PDS5B: variants seen among roughly 807,000 people sequenced by gnomAD.
PDS5B encodes PDS5 cohesin associated factor B.
In PDS5B, 51 loss-of-function variants were observed where a neutral mutation model predicts 184.1. The ratio of observed to expected loss-of-function variants is 0.28; its 90% CI spans 0.22 to 0.35. The LOEUF is 0.35. Ranked by LOEUF, PDS5B falls within the 10% of genes least tolerant of loss-of-function variation. The pLI, the probability that PDS5B is intolerant of heterozygous loss-of-function variation, is 1.00. For synonymous variants in PDS5B, 566 were observed against 569.2 expected, an observed-to-expected ratio of 0.99 and a Z score of 0.08; for missense variants, 1,180 against 1,723.3, an observed-to-expected ratio of 0.68 and a Z score of 5.58.
chr13:32,701,555 CCT>C lies in PDS5B; in HGVS notation c.1856+120_1856+121del, dbSNP rs1363905637. The C allele has an allele frequency of 2.1e-5, 13 of 607,328 alleles. No individual in the cohort carries two copies. The African/African-American group carries it at 2.4e-4, about 11-fold the overall frequency. The allele number at this position is 607,328 out of a possible 1,614,324, so 37.6% of individuals were successfully genotyped here. ...TACACATCTGTGTGTATTGTGTACT[CCT>C]CTGTATATACTCCTCTGCATATACC... On this transcript the variant is annotated intron_variant, in intron 17 of 34. Coordinates refer to ENST00000315596, the MANE Select transcript of PDS5B (RefSeq NM_015032.4).
At chr13:32,675,719 C>A in intron 8 of PDS5B, 125 bp from the exon 9 acceptor site, 1 of 546,600 alleles carries the variant, frequency 1.8e-6, no homozygotes, top group Non-Finnish European at 3.3e-6. Flanking sequence ...TGTAATTTTT[C>A]ATTTAGAGTT....
chr13:32,773,341 T>G lies in PDS5B; in HGVS notation c.4308+17T>G. On this transcript the variant is annotated intron_variant, in intron 34 of 34. Transcript: ENST00000315596. ...ACAGTAAATGTATGTGTTCAAAGTT[T>G]CTGTGAGTGGTGTGGGATATAAAAA... The G allele has an allele frequency of 6.2e-7, 1 of 1,600,512 alleles. No individual in the cohort carries two copies. The highest frequency in any genetic ancestry group is 1.7e-5 in the Admixed American group (1 of 57,338).
intron 1 of PDS5B, among the ~76,000 whole-genome samples, chr13:32,642,787 G>A (rs1291737436): frequency 1.3e-5 from 2 of 151,812 alleles, no homozygotes; most frequent in Non-Finnish European, 2.9e-5. Flanking sequence ...TTTTTATTCT[G>A]TGTATTATTA....
chr13:32,701,545 A>AGC, intron 17 of PDS5B, 107 bp downstream of exon 17: 1 of 642,536 alleles, frequency 1.6e-6, no homozygotes, highest in Non-Finnish European at 2.8e-6. Context: ...ATCTGTGTGT[A>AGC]TTGTGTACTC....
chr13:32,754,782 G>A (rs1284361698), intron 25 of PDS5B, among the ~76,000 whole-genome samples: 1 of 152,168 alleles, frequency 6.6e-6, no homozygotes, highest in African/African-American at 2.4e-5. Context: ...CTGGCATAAT[G>A]TATGGCCCAA....
At chr13:32,649,610 C>T (rs1461278034) in intron 2 of PDS5B, 4 of 152,090 alleles carry the variant, frequency 2.6e-5, no homozygotes, top group Admixed American at 1.3e-4. Flanking sequence ...AAAATGTTCC[C>T]AAATTAATCA....
At chr13:32,688,662 GTAA>G in intron 13 of PDS5B, 93 bp downstream of exon 13, 1 of 787,854 alleles carries the variant, frequency 1.3e-6, no homozygotes, top group East Asian at 2.6e-5. Context: ...ATTTTAAAAT[GTAA>G]TCTATGTAGT....
intron 1 of PDS5B, among the ~76,000 whole-genome samples, chr13:32,599,643 G>A (rs1266151603): frequency 6.6e-6 from 1 of 151,756 alleles, no homozygotes; most frequent in African/African-American, 2.4e-5. Context: ...GGCCGGGCGC[G>A]GTGACTCATG....
chr13:32,694,477 A>G (rs1006936155), intron 14 of PDS5B, among the ~76,000 whole-genome samples, 173 bp downstream of exon 14: 1 of 151,970 alleles, frequency 6.6e-6, no homozygotes, highest in Non-Finnish European at 1.5e-5. Flanking sequence ...TTAGATAGAA[A>G]GTGATAAATG....
At chr13:32,603,175 T>C (rs1363901451) in intron 1 of PDS5B, among the ~76,000 whole-genome samples, 1 of 152,258 alleles carries the variant, frequency 6.6e-6, no homozygotes, top group Non-Finnish European at 1.5e-5. Flanking sequence ...TGCCCATGCC[T>C]ATGTCCTGAA....
chr13:32,741,495 T>G (rs1953550763), intron 22 of PDS5B, among the ~76,000 whole-genome samples: 1 of 152,212 alleles, frequency 6.6e-6, no homozygotes, highest in South Asian at 2.1e-4. Context: ...AAACTTTTTA[T>G]TTTTAAAAAA....
At chr13:32,667,640 CTCTT>C in intron 6 of PDS5B, 120 bp from the exon 7 acceptor site, 1 of 600,112 alleles carries the variant, frequency 1.7e-6, no homozygotes, top group Non-Finnish European at 2.9e-6. Context: ...TTTGCCTTCT[CTCTT>C]TTATTCCAAT....
At chr13:32,659,428 T>A in intron 6 of PDS5B, 148 bp downstream of exon 6, 2 of 460,106 alleles carry the variant, frequency 4.3e-6, no homozygotes, top group Non-Finnish European at 7.4e-6. Flanking sequence ...TTATTGTGAT[T>A]AATGTGTAAT....
chr13:32,631,257 A>AT (rs933924067), intron 1 of PDS5B, among the ~76,000 whole-genome samples: 1 of 144,962 alleles, frequency 6.9e-6, no homozygotes, highest in African/African-American at 2.6e-5. Flanking sequence ...GTTGGGACTA[A>AT]TTTTTTTGTA....
intron 1 of PDS5B, among the ~76,000 whole-genome samples, chr13:32,630,456 T>C (rs1477172543): frequency 6.6e-6 from 1 of 152,156 alleles, no homozygotes; most frequent in Admixed American, 6.5e-5. Context: ...CATTGTACAA[T>C]GCACAGGTGC....
Position 32,775,485 on chromosome 13 carries a change from T to C in PDS5B, c.*433T>C, listed in dbSNP as rs1427919792. On this transcript the variant is annotated 3_prime_UTR_variant, in exon 35 of 35. Transcript: ENST00000315596. Reference sequence around the variant, plus strand: ...GTTTGTATTTGTATTCTCTGCAATTTTACTGTGAAAAAAAATTTGTTTTCA... The same window carrying C: ...GTTTGTATTTGTATTCTCTGCAATTCTACTGTGAAAAAAAATTTGTTTTCA... 1 of 352,810 alleles carries C rather than the reference T, an allele frequency of 2.8e-6. No homozygotes were observed. Among genetic ancestry groups the C allele is most frequent in the Non-Finnish European group, 5.6e-6 (1 of 179,800 alleles). 21.9% of individuals were successfully genotyped at this position (352,810 alleles called of 1,614,324 possible). A position where few individuals can be genotyped will look rare whatever the true frequency, so the allele number is the denominator to read the frequency against.
chr13:32,695,239 T>G (rs991982189), intron 14 of PDS5B, among the ~76,000 whole-genome samples: 1 of 151,990 alleles, frequency 6.6e-6, no homozygotes, highest in African/African-American at 2.4e-5. Context: ...TTGAGTAGTA[T>G]TTTTGTTTTA....
rs200427061 is a variant in PDS5B at position 32,591,739 on chromosome 13, TA to T, written c.-20+5147del. 6.2e-3 allele frequency among the ~76,000 whole-genome samples: 938 copies of T among 152,270 alleles called. 7 individuals are homozygous for T. The highest frequency in any genetic ancestry group is 0.021 in the African/African-American group (879 of 41,540). ...GGTAAACATTTGTTTATATGCTTAT[TA>T]GGGGGAGGCCATTTGCAACATATTC... On this transcript the variant is annotated intron_variant, in intron 1 of 34. Coordinates refer to ENST00000315596, the MANE Select transcript of PDS5B (RefSeq NM_015032.4).
chr13:32,679,079 G>T (rs966719718), intron 10 of PDS5B, 150 bp downstream of exon 10: 9 of 437,588 alleles, frequency 2.1e-5, no homozygotes, highest in East Asian at 7.3e-5. Flanking sequence ...TCTGAAGCTA[G>T]ATTTTTTTTT....
Sources: gnomAD v4.1 joint callset for allele counts (sites outside exome capture counted in the v4.1 genomes callset) on GRCh38, gnomAD v4.1.1 for gene constraint, MANE v1.5 for transcripts, NCBI Gene and HGNC (gene_info 2026-07-23, HGNC 2026-07-21) for gene names.